The following ACIN1 variants were observed in gnomAD, a reference collection of about 807,000 sequenced individuals.
The protein encoded by ACIN1 is apoptotic chromatin condensation inducer in the nucleus.
ACIN1 carries 16 observed loss-of-function variants against 146.6 expected under a neutral mutation model. That is an observed-to-expected ratio of 0.11 (90% CI 0.07 to 0.17). The LOEUF is 0.17. ACIN1 is among the 10% of genes least tolerant of loss of function. The pLI is 1.00. For missense variants in ACIN1, 1,357 were observed against 1,609.3 expected, an observed-to-expected ratio of 0.84 and a Z score of 2.68; for synonymous variants, 569 against 582.7, an observed-to-expected ratio of 0.98 and a Z score of 0.34.
chr14:23,061,855 T>C (rs1196312208), intron 16 of ACIN1, among the ~76,000 whole-genome samples: 1 of 151,190 alleles, frequency 6.6e-6, no homozygotes, highest in Admixed American at 6.6e-5. Flanking sequence ...GCGCCTGTAG[T>C]CCCAGCTATT....
At chr14:23,064,610 A>G (rs1289334528) in intron 10 of ACIN1, 122 bp from the exon 11 acceptor site, 1 of 1,388,536 alleles carries the variant, frequency 7.2e-7, no homozygotes, top group Non-Finnish European at 9.8e-7. Context: ...AAGAAATCAT[A>G]TTTGGAGGCT....
At position 23,064,209 on chromosome 14, in the gene ACIN1, C is replaced by A; in HGVS notation, c.2491G>T (p.Asp831Tyr). The A allele has an allele frequency of 6.2e-7, 1 of 1,614,138 alleles. No individual in the cohort carries two copies. Among genetic ancestry groups the A allele is most frequent in the Non-Finnish European group, 8.5e-7 (1 of 1,180,036 alleles). Residue 831 changes from aspartate (D) to tyrosine (Y), a missense_variant, in exon 12 of 19, where the codon GAT becomes TAT. By Grantham distance (160) the Asp-to-Tyr change is radical. This residue lies in a region of ACIN1 where 509 missense variants were observed against 719.6 expected (regional missense o/e 0.71). Transcript: ENST00000605057. ...KPLAGQEAVV[D>Y]LHADDSRISE... is the part of the protein sequence containing the mutation. ...ATGCGAGAGTCATCAGCATGAAGAT[C>A]CACAACAGCCTCCTGCCCCGCCAGG...
intron 10 of ACIN1, among the ~76,000 whole-genome samples, chr14:23,064,905 A>AAAAAAAAG (rs1033491124): frequency 2.0e-5 from 3 of 151,870 alleles, no homozygotes; most frequent in African/African-American, 7.3e-5. Flanking sequence ...TCAAAAAAAA[A>AAAAAAAAG]AAAAGAAAAG....
intron 1 of ACIN1, chr14:23,094,589 C>T (rs1424519514): frequency 3.9e-5 from 38 of 965,704 alleles, no homozygotes; most frequent in Non-Finnish European, 4.7e-5. Flanking sequence ...AACTATACCC[C>T]TAACTCCGAC....
intron 18 of ACIN1, among the ~76,000 whole-genome samples, chr14:23,060,832 C>T (rs1179498162): frequency 2.0e-5 from 3 of 152,210 alleles, no homozygotes; most frequent in Non-Finnish European, 4.4e-5. Flanking sequence ...TCTAAGAAGC[C>T]TGGTCGGCAC....
intron 18 of ACIN1, among the ~76,000 whole-genome samples, chr14:23,060,266 GCCA>G (rs1378617411): frequency 6.6e-6 from 1 of 152,110 alleles, no homozygotes; most frequent in Non-Finnish European, 1.5e-5. Context: ...ACCATGCCTA[GCCA>G]CCAAGTTTCA....
At position 23,071,269 on chromosome 14, in the gene ACIN1, A is replaced by G. The variant is rs2047639621; in HGVS notation, c.2124-1652T>C. On this transcript the variant is annotated intron_variant, in intron 8 of 18. Transcript: ENST00000605057. ...AAAAAACCACACCTTCCTTGTTCCA[A>G]GATCCCACCACCTCCTCCCCAGCCA... 7.3e-6 allele frequency: 11 copies of G among 1,505,762 alleles called. No individual in the cohort carries two copies. The South Asian group carries it at 9.3e-5, about 13-fold the overall frequency. The allele number at this position is 1,505,762 out of a possible 1,614,324, so 93.3% of individuals were successfully genotyped here. A position where few individuals can be genotyped will look rare whatever the true frequency, so the allele number is the denominator to read the frequency against.
intron 14 of ACIN1, 71 bp downstream of exon 14, chr14:23,062,858 C>T (rs1231065858): frequency 6.7e-7 from 1 of 1,498,226 alleles, no homozygotes; most frequent in African/African-American, 1.4e-5. Context: ...TGAGTGGAAC[C>T]TAGGAGGCAT....
rs753592310 is a variant in ACIN1, at chr14:23,065,973, G to A, written c.2301C>T (p.Ser767=). 5.0e-6 allele frequency: 8 copies of A among 1,613,616 alleles called. No homozygotes were observed. Among genetic ancestry groups the A allele is most frequent in the South Asian group, 3.3e-5 (3 of 91,064 alleles). Residue 767 remains serine, a synonymous_variant, in exon 10 of 19, where the codon TCC becomes TCT. Transcript: ENST00000605057. ...ATTTGGGGCTGGACTTACAGACAACGGAGATCTTCCTCTTGAATGATTTGG... is the reference window on the plus strand; with the variant it reads ...ATTTGGGGCTGGACTTACAGACAACAGAGATCTTCCTCTTGAATGATTTGG... ...SLPKSFKRKI[S]VVSATKGVPA...
At chr14:23,074,369 C>T (rs1419084015) in intron 8 of ACIN1, among the ~76,000 whole-genome samples, 1 of 151,776 alleles carries the variant, frequency 6.6e-6, no homozygotes, top group Non-Finnish European at 1.5e-5. Context: ...AGTTTGAGAC[C>T]AGCCTGGCCA....
At chr14:23,080,878 AATGAAG>A (rs2047926798) in intron 5 of ACIN1, 69 bp from the exon 6 acceptor site, 3 of 1,523,198 alleles carry the variant, frequency 2.0e-6, no homozygotes. Flanking sequence ...GAAAGTATCT[AATGAAG>A]ACACCCCTAG....
chr14:23,079,141 G>C, intron 6 of ACIN1, 103 bp from the exon 7 acceptor site: 1 of 1,179,276 alleles, frequency 8.5e-7, no homozygotes, highest in South Asian at 1.6e-5. Flanking sequence ...TTTATACTCT[G>C]GACCTTTTTG....
chr14:23,066,257 T>C lies in ACIN1; in HGVS notation c.2266-249A>G, dbSNP rs2047453091. 4 of 434,562 alleles carry C rather than the reference T, an allele frequency of 9.2e-6. No homozygotes were observed. The South Asian group carries it at 1.2e-4, about 13-fold the overall frequency. The allele number at this position is 434,562 out of a possible 1,614,324, so 26.9% of individuals were successfully genotyped here. ...AACATCAGAGCAGGGAAAAGTCATC[T>C]ACTCCGTATCACACCTGTGTATTAG... On this transcript the variant is annotated intron_variant, in intron 9 of 18. Coordinates refer to ENST00000605057, the MANE Select transcript of ACIN1 (RefSeq NM_001386863.1).
At chr14:23,063,179 C>T in intron 13 of ACIN1, 105 bp from the exon 14 acceptor site, 1 of 1,308,772 alleles carries the variant, frequency 7.6e-7, no homozygotes, top group Non-Finnish European at 1.1e-6. Flanking sequence ...CAAGCAGCCA[C>T]TCCTTAATCT....
Position 23,090,109 on chromosome 14 carries a change from G to C in ACIN1, c.317-8C>G. On this transcript the variant is annotated splice_region_variant and splice_polypyrimidine_tract_variant and intron_variant, in intron 3 of 18. Transcript: ENST00000605057. ...CCGACTCAGCTGAAGCTTCTGCAAAGTACAGATCGGGTCGGGGCAGGGAGG... is the reference window on the plus strand; with the variant it reads ...CCGACTCAGCTGAAGCTTCTGCAAACTACAGATCGGGTCGGGGCAGGGAGG... 6.2e-7 allele frequency: 1 copy of C among 1,613,268 alleles called. No individual in the cohort carries two copies. The highest frequency in any genetic ancestry group is 1.1e-5 in the South Asian group (1 of 91,010).
At chr14:23,080,911 GAT>G (rs2140165496) in intron 5 of ACIN1, 102 bp from the exon 6 acceptor site, 1 of 1,499,468 alleles carries the variant, frequency 6.7e-7, no homozygotes, top group Non-Finnish European at 8.9e-7. Flanking sequence ...GAAATTCAAT[GAT>G]ATATACTTTC....
At chr14:23,085,535 T>C (rs1402308443) in intron 4 of ACIN1, among the ~76,000 whole-genome samples, 3 of 152,204 alleles carry the variant, frequency 2.0e-5, no homozygotes, top group Non-Finnish European at 4.4e-5. Context: ...GAAGAACTTG[T>C]AGTAAGTCAT....
In ACIN1 at chr14:23,079,890, T is replaced by C. The variant is rs2047898010; in HGVS notation, c.1445A>G (p.Lys482Arg). Residue 482 changes from lysine (K) to arginine (R), a missense_variant, in exon 6 of 19, where the codon AAA (lysine) becomes AGA (arginine). By Grantham distance (26) the Lys-to-Arg change is conservative. Transcript: ENST00000605057. ...TTTCAGACATTCTTCAGTGATTCCT[T>C]TGGCCAGTGCTAATTCCTCAATTTT... ...PLKIEELALA[K>R]GITEECLKQP... 1 of 1,614,218 alleles carries C rather than the reference T, an allele frequency of 6.2e-7. No homozygotes were observed. Among genetic ancestry groups the C allele is most frequent in the Non-Finnish European group, 8.5e-7 (1 of 1,180,050 alleles).
At position 23,058,792 on chromosome 14, in the gene ACIN1, C is replaced by G. The variant is rs1594731841; in HGVS notation, c.*356G>C. On this transcript the variant is annotated 3_prime_UTR_variant, in exon 19 of 19. Coordinates refer to ENST00000605057, the MANE Select transcript of ACIN1 (RefSeq NM_001386863.1). ...TGACCCAGTCCTGGCCCCGGCTGTT[C>G]CCAAGAGAAGGCTGTAAGTACCCAG... 3.3e-6 allele frequency: 1 copy of G among 304,438 alleles called. No individual in the cohort carries two copies. The allele number at this position is 304,438 out of a possible 1,614,324, so 18.9% of individuals were successfully genotyped here.
Sources: allele counts gnomAD v4.1 joint callset (sites outside exome capture counted in the v4.1 genomes callset), GRCh38; gene constraint gnomAD v4.1.1; regional missense constraint gnomAD v4.1.1; transcripts MANE v1.5; gene names NCBI Gene and HGNC (gene_info 2026-07-23, HGNC 2026-07-21).